Variants in KLHL7 observed in about 807,000 individuals in gnomAD.
KLHL7 encodes kelch-like protein 7.
Under a neutral mutation model 67.4 loss-of-function variants are expected in KLHL7, and 44 were observed. The observed-to-expected ratio is 0.65, with a 90% CI of 0.51 to 0.84. The LOEUF (loss-of-function observed/expected upper bound fraction) is 0.84, where lower values mean the gene tolerates loss of function less well. Ranked by LOEUF, KLHL7 falls within the 40% of genes least tolerant of loss-of-function variation. The pLI is 0.00. For missense variants in KLHL7, 362 were observed against 718.1 expected, an observed-to-expected ratio of 0.50 and a Z score of 5.67; for synonymous variants, 252 against 243.3, an observed-to-expected ratio of 1.04 and a Z score of -0.33.
At chr7:23,148,419 C>CAAAAAAAAA in intron 6 of KLHL7, among the ~76,000 whole-genome samples, 1 of 54,010 alleles carries the variant, frequency 1.9e-5, no homozygotes, top group Non-Finnish European at 3.5e-5. Context: ...AACAGCAGCC[C>CAAAAAAAAA]CAAAGCTACT....
At chr7:23,114,406 G>A (rs981800697) in intron 1 of KLHL7, among the ~76,000 whole-genome samples, 16 of 152,284 alleles carry the variant, frequency 1.1e-4, no homozygotes, top group African/African-American at 3.6e-4. Flanking sequence ...TCAGTCAAAA[G>A]TGCATCTTCT....
chr7:23,119,599 A>C (rs1340160589), intron 1 of KLHL7, among the ~76,000 whole-genome samples: 5 of 152,256 alleles, frequency 3.3e-5, no homozygotes, highest in Admixed American at 3.3e-4. Context: ...TGACATGTAT[A>C]CACCATTACA....
intron 7 of KLHL7, among the ~76,000 whole-genome samples, chr7:23,164,358 A>T (rs1784938099): frequency 6.6e-6 from 1 of 152,232 alleles, no homozygotes; most frequent in Admixed American, 6.5e-5. Context: ...TATTATGAGT[A>T]GATATGAAGA....
At chr7:23,128,775 A>G (rs59389125) in intron 4 of KLHL7, among the ~76,000 whole-genome samples, 6 of 152,112 alleles carry the variant, frequency 3.9e-5, no homozygotes, top group African/African-American at 1.2e-4. Flanking sequence ...CCTGGCAACC[A>G]TGAATCTGCT....
intron 7 of KLHL7, 123 bp downstream of exon 7, chr7:23,152,332 C>A (rs1784562698): frequency 1.1e-6 from 1 of 890,612 alleles, no homozygotes; most frequent in Non-Finnish European, 1.8e-6. Flanking sequence ...GGTGTTCTTT[C>A]ACATATGTTA....
chr7:23,165,841 T>C lies in KLHL7; in HGVS notation c.1080T>C (p.Asp360=). The change falls in exon 8 of 11, where the codon GAT becomes GAC. Residue 360 remains aspartate (D), a synonymous_variant. Coordinates refer to ENST00000339077, the MANE Select transcript of KLHL7 (RefSeq NM_001031710.3). ...KRMDCYNVVK[D]SWYSKLGPPT... is the part of the protein sequence containing the mutation. Reference sequence around the variant, plus strand: ...TGGACTGCTATAATGTAGTGAAGGATAGCTGGTATTCGAAACTGGGTCCTC... The same window carrying C: ...TGGACTGCTATAATGTAGTGAAGGACAGCTGGTATTCGAAACTGGGTCCTC... 6.2e-7 allele frequency: 1 copy of C among 1,614,210 alleles called. No individual in the cohort carries two copies. The highest frequency in any genetic ancestry group is 1.1e-5 in the South Asian group (1 of 91,082).
At chr7:23,153,991 C>G (rs1784620679) in intron 7 of KLHL7, among the ~76,000 whole-genome samples, 1 of 152,212 alleles carries the variant, frequency 6.6e-6, no homozygotes, top group Admixed American at 6.5e-5. Context: ...CATTCATTCT[C>G]TGACCCAGTT....
At chr7:23,118,981 G>T (rs1210896591) in intron 1 of KLHL7, among the ~76,000 whole-genome samples, 1 of 152,112 alleles carries the variant, frequency 6.6e-6, no homozygotes, top group African/African-American at 2.4e-5. Context: ...AGGGGTGGGA[G>T]GATCACTTGA....
chr7:23,135,946 C>A (rs1467507116), intron 4 of KLHL7, among the ~76,000 whole-genome samples: 1 of 152,170 alleles, frequency 6.6e-6, no homozygotes, highest in South Asian at 2.1e-4. Context: ...TAATCTGTGG[C>A]CGTGTGACTT....
At position 23,105,845 on chromosome 7, in the gene KLHL7, G is replaced by C; in HGVS notation, c.-182G>C. On this transcript the variant is annotated 5_prime_UTR_variant, in exon 1 of 11. Transcript: ENST00000339077. The stretch of plus-strand genomic sequence containing the variant: ...TCGCTCCCTGAGCGTTTCTAAGGGG[G>C]CCGCCCGGCCTTGTCTTTCGGCAGT... 1.1e-6 allele frequency: 1 copy of C among 896,896 alleles called. No homozygotes were observed. Among genetic ancestry groups the C allele is most frequent in the Non-Finnish European group, 1.7e-6 (1 of 579,368 alleles). The allele number at this position is 896,896 out of a possible 1,614,324, so 55.6% of individuals were successfully genotyped here.
chr7:23,145,878 A>G lies in KLHL7; in HGVS notation c.793+1853A>G, dbSNP rs1374312370. On this transcript the variant is annotated intron_variant, in intron 6 of 10. Coordinates refer to ENST00000339077, the MANE Select transcript of KLHL7 (RefSeq NM_001031710.3). ...CCCAAGTAGCTGGGACTACAGGCAC[A>G]CACCACTATGCCCAGCTAATTTTTG... Among the ~76,000 whole-genome samples the G allele has an allele frequency of 2.0e-5, 3 of 152,082 alleles. No individual in the cohort carries two copies. The East Asian group carries it at 5.8e-4, about 29-fold the overall frequency.
At chr7:23,156,001 A>G (rs1265063540) in intron 7 of KLHL7, 1 of 467,250 alleles carries the variant, frequency 2.1e-6, no homozygotes, top group Non-Finnish European at 4.4e-6. Flanking sequence ...TTGAAAAGAG[A>G]TGCATATTCT....
intron 1 of KLHL7, among the ~76,000 whole-genome samples, chr7:23,123,284 A>C (rs912493212): frequency 6.6e-6 from 1 of 152,198 alleles, no homozygotes; most frequent in South Asian, 2.1e-4. Context: ...TTCTGTTTCA[A>C]GTTAGATCTG....
chr7:23,114,098 C>T (rs144813003), intron 1 of KLHL7, among the ~76,000 whole-genome samples: 69 of 152,276 alleles, frequency 4.5e-4, no homozygotes, highest in African/African-American at 1.6e-3. Flanking sequence ...ACTGAAGACA[C>T]TGTTGTTTTA....
chr7:23,148,852 T>G (rs1784444419), intron 6 of KLHL7, among the ~76,000 whole-genome samples: 1 of 152,254 alleles, frequency 6.6e-6, no homozygotes, highest in African/African-American at 2.4e-5. Flanking sequence ...CTTATTACAT[T>G]TTTTCTTTTC....
At chr7:23,155,459 T>C (rs773211625) in intron 7 of KLHL7, among the ~76,000 whole-genome samples, 68 of 152,232 alleles carry the variant, frequency 4.5e-4, no homozygotes, top group Admixed American at 1.6e-3. Context: ...GGTCAGGAGT[T>C]TGAGACCAGC....
intron 1 of KLHL7, among the ~76,000 whole-genome samples, chr7:23,121,447 C>T (rs992763899): frequency 6.8e-6 from 1 of 147,816 alleles, no homozygotes; most frequent in Admixed American, 6.7e-5. Flanking sequence ...AGACACACAC[C>T]ACCACGCCTG....
At chr7:23,119,037 C>T (rs1783218436) in intron 1 of KLHL7, among the ~76,000 whole-genome samples, 1 of 152,120 alleles carries the variant, frequency 6.6e-6, no homozygotes, top group Admixed American at 6.5e-5. Flanking sequence ...CACCACTGCA[C>T]TCCAGCCTGG....
chr7:23,125,167 G>A lies in KLHL7; in HGVS notation c.437G>A (p.Cys146Tyr). 1.9e-6 allele frequency: 3 copies of A among 1,613,140 alleles called. No individual in the cohort carries two copies. The highest frequency in any genetic ancestry group is 2.5e-6 in the Non-Finnish European group (3 of 1,179,374). The part of the protein sequence containing the change: ...FLKEQVDASN[C>Y]LGISVLAECL... ...AAAGAACAAGTTGATGCTTCAAATT[G>A]TCTTGGTAAGAAATATCAGATTCCT... The change falls in exon 4 of 11, where the codon TGT becomes TAT. Residue 146 changes from cysteine to tyrosine, a missense_variant. Transcript: ENST00000339077.
Sources: allele counts gnomAD v4.1 joint callset (sites outside exome capture counted in the v4.1 genomes callset), GRCh38; gene constraint gnomAD v4.1.1; transcripts MANE v1.5; gene names NCBI Gene and HGNC (gene_info 2026-07-23, HGNC 2026-07-21).